GPC6: variants seen among roughly 807,000 people sequenced by gnomAD.
GPC6 encodes the protein glypican-6.
Under a neutral mutation model 55.2 loss-of-function variants are expected in GPC6, and 14 were observed. The observed-to-expected ratio is 0.25, with a 90% CI of 0.17 to 0.40. GPC6 has a LOEUF of 0.40. Among genes scored for constraint, GPC6 ranks in the 10% least tolerant of loss-of-function variants. GPC6 has a pLI of 1.00. For synonymous variants in GPC6, 278 were observed against 259.6 expected, an observed-to-expected ratio of 1.07 and a Z score of -0.68; for missense variants, 641 against 708.5, an observed-to-expected ratio of 0.90 and a Z score of 1.08.
At chr13:93,901,089 A>G (rs1478199843) in intron 3 of GPC6, among the ~76,000 whole-genome samples, 1 of 152,180 alleles carries the variant, frequency 6.6e-6, no homozygotes, top group Non-Finnish European at 1.5e-5. Context: ...GACTTTTTAT[A>G]TTCATATTTG....
At chr13:93,458,476 C>T (rs1287621957) in intron 1 of GPC6, among the ~76,000 whole-genome samples, 6 of 152,124 alleles carry the variant, frequency 3.9e-5, no homozygotes, top group Non-Finnish European at 5.9e-5. Flanking sequence ...AATATATTGC[C>T]TATCTCTGTT....
chr13:94,266,569 A>G (rs112474807), intron 4 of GPC6, among the ~76,000 whole-genome samples: 1 of 151,424 alleles, frequency 6.6e-6, no homozygotes, highest in African/African-American at 2.4e-5. Context: ...TCTCTACTTA[A>G]CTGACTTCTA....
intron 4 of GPC6, among the ~76,000 whole-genome samples, chr13:94,069,703 A>G (rs1884659028): frequency 6.6e-6 from 1 of 152,214 alleles, no homozygotes; most frequent in Non-Finnish European, 1.5e-5. Flanking sequence ...TCTATAGGGC[A>G]GGGGCAAAAT....
At chr13:94,395,660 G>C (rs1404852438) in intron 7 of GPC6, among the ~76,000 whole-genome samples, 1 of 152,214 alleles carries the variant, frequency 6.6e-6, no homozygotes, top group Non-Finnish European at 1.5e-5. Flanking sequence ...ATCACTTGCA[G>C]GAAGGGAAGA....
intron 4 of GPC6, among the ~76,000 whole-genome samples, chr13:94,272,591 C>T (rs556676673): frequency 1.3e-5 from 2 of 151,314 alleles, no homozygotes; most frequent in African/African-American, 4.8e-5. Flanking sequence ...GCCTCAGCCT[C>T]CCAAGTAGCT....
At chr13:93,947,814 T>C (rs901811267) in intron 3 of GPC6, among the ~76,000 whole-genome samples, 1 of 152,094 alleles carries the variant, frequency 6.6e-6, no homozygotes, top group Non-Finnish European at 1.5e-5. Context: ...GAAACCTTGA[T>C]AAATTCTTTT....
At chr13:94,299,468 C>T (rs1875525330) in intron 5 of GPC6, among the ~76,000 whole-genome samples, 1 of 152,150 alleles carries the variant, frequency 6.6e-6, no homozygotes. Context: ...ATCCTAACAC[C>T]TAAGGTGATG....
At chr13:94,195,000 G>C (rs1391627848) in intron 4 of GPC6, among the ~76,000 whole-genome samples, 1 of 152,104 alleles carries the variant, frequency 6.6e-6, no homozygotes, top group East Asian at 1.9e-4. Context: ...AAGTATTATA[G>C]AAAGAAGTAT....
chr13:93,824,756 C>T (rs1440932407), intron 2 of GPC6, among the ~76,000 whole-genome samples: 1 of 151,966 alleles, frequency 6.6e-6, no homozygotes. Flanking sequence ...TTTGTGGGAT[C>T]TTTCTTTCTC....
intron 4 of GPC6, among the ~76,000 whole-genome samples, chr13:94,045,125 A>T (rs1883684383): frequency 6.6e-6 from 1 of 151,796 alleles, no homozygotes; most frequent in Admixed American, 6.6e-5. Flanking sequence ...ATGTATCTGG[A>T]CTCCATTACA....
intron 1 of GPC6, among the ~76,000 whole-genome samples, chr13:93,542,339 T>G (rs972090868): frequency 6.6e-6 from 1 of 152,172 alleles, no homozygotes; most frequent in Non-Finnish European, 1.5e-5. Flanking sequence ...GTTGTAGATA[T>G]GCGGCATTAT....
At chr13:94,162,347 A>T (rs1888197624) in intron 4 of GPC6, among the ~76,000 whole-genome samples, 1 of 152,196 alleles carries the variant, frequency 6.6e-6, no homozygotes, top group South Asian at 2.1e-4. Flanking sequence ...CTGCTTCCTC[A>T]TTCATGTCCA....
chr13:93,335,703 A>G (rs1000371232), intron 1 of GPC6, among the ~76,000 whole-genome samples: 1 of 152,134 alleles, frequency 6.6e-6, no homozygotes, highest in African/African-American at 2.4e-5. Flanking sequence ...TCTGTCTAGT[A>G]TTATACCCAG....
intron 4 of GPC6, among the ~76,000 whole-genome samples, chr13:94,059,196 G>A (rs1257612779): frequency 6.6e-6 from 1 of 151,206 alleles, no homozygotes; most frequent in East Asian, 1.9e-4. Context: ...AAATACACTT[G>A]CATCCAGGAA....
intron 3 of GPC6, among the ~76,000 whole-genome samples, chr13:93,889,851 T>C (rs945698903): frequency 6.6e-6 from 1 of 152,210 alleles, no homozygotes; most frequent in African/African-American, 2.4e-5. Context: ...CTTGCTTTTA[T>C]CTAAGGGTGA....
intron 2 of GPC6, among the ~76,000 whole-genome samples, chr13:93,735,204 C>A (rs1473213175): frequency 6.6e-6 from 1 of 152,032 alleles, no homozygotes. Flanking sequence ...TCGTGCATAC[C>A]TGGTTTCTGT....
At chr13:93,773,474 C>T (rs1012446429) in intron 2 of GPC6, among the ~76,000 whole-genome samples, 2 of 151,872 alleles carry the variant, frequency 1.3e-5, no homozygotes, top group African/African-American at 2.4e-5. Flanking sequence ...TTTGATGTAG[C>T]TTACGTACCC....
intron 1 of GPC6, among the ~76,000 whole-genome samples, chr13:93,345,317 T>C (rs753045036): frequency 6.6e-6 from 1 of 152,154 alleles, no homozygotes; most frequent in Non-Finnish European, 1.5e-5. Context: ...AGATAACACA[T>C]GTGAAGCTAG....
At chr13:93,612,486 G>A (rs1291099031) in intron 2 of GPC6, among the ~76,000 whole-genome samples, 5 of 130,310 alleles carry the variant, frequency 3.8e-5, no homozygotes, top group African/African-American at 1.1e-4. Flanking sequence ...GCGATAGTGC[G>A]AGACTCCGTC....
Sources: gnomAD v4.1 joint callset for allele counts (sites outside exome capture counted in the v4.1 genomes callset) on GRCh38, gnomAD v4.1.1 for gene constraint, MANE v1.5 for transcripts, NCBI Gene and HGNC (gene_info 2026-07-23, HGNC 2026-07-21) for gene names.